KCNQ1: variants seen among roughly 807,000 people sequenced by gnomAD.
KCNQ1 encodes the protein potassium voltage-gated channel subfamily Q member 1, also known as potassium voltage-gated channel subfamily KQT member 1.
Under a neutral mutation model 72.4 loss-of-function variants are expected in KCNQ1, and 49 were observed. The ratio of observed to expected loss-of-function variants is 0.68; its 90% CI spans 0.54 to 0.86. The LOEUF (loss-of-function observed/expected upper bound fraction) is 0.86. Ranked by LOEUF, KCNQ1 falls within the 40% of genes least tolerant of loss-of-function variation. KCNQ1 has a pLI of 0.00. For synonymous variants in KCNQ1, 450 were observed against 412.6 expected, an observed-to-expected ratio of 1.09 and a Z score of -1.10; for missense variants, 790 against 945.1, an observed-to-expected ratio of 0.84 and a Z score of 2.15.
rs180966329 is a variant in KCNQ1 at position 2,645,025 on chromosome 11, G to A, written c.1394-16936G>A. Reference sequence around the variant, plus strand: ...AGCAAGTCCAGGGAAACCAATTTTGGGCCTCCAGGCAACTTGCTCAGGTGC... The same window carrying A: ...AGCAAGTCCAGGGAAACCAATTTTGAGCCTCCAGGCAACTTGCTCAGGTGC... On this transcript the variant is annotated intron_variant, in intron 10 of 15. Coordinates refer to ENST00000155840, the MANE Select transcript of KCNQ1 (RefSeq NM_000218.3). The surrounding 1 kb of genome is among the most constrained non-coding windows in gnomAD (Gnocchi z 5.8). 1.3e-5 allele frequency: 5 copies of A among 398,736 alleles called. No homozygotes were observed. The highest frequency in any genetic ancestry group is 7.1e-5 in the East Asian group (2 of 28,086). The allele number at this position is 398,736 out of a possible 1,614,324, so 24.7% of individuals were successfully genotyped here. A position where few individuals can be genotyped will look rare whatever the true frequency, so the allele number is the denominator to read the frequency against.
intron 2 of KCNQ1, among the ~76,000 whole-genome samples, chr11:2,551,510 C>T (rs1284499934): frequency 6.6e-6 from 1 of 152,248 alleles, no homozygotes; most frequent in Non-Finnish European, 1.5e-5. Context: ...GGCTGATGGA[C>T]ATTTGAGCTG....
intron 11 of KCNQ1, among the ~76,000 whole-genome samples, chr11:2,738,744 G>A (rs946671055): frequency 7.2e-5 from 11 of 152,220 alleles, no homozygotes; most frequent in Admixed American, 3.3e-4. Flanking sequence ...CCAGCAGAAC[G>A]TGGGCTGCAG....
rs1589944282 is a variant in KCNQ1, at chr11:2,549,110, A to C, written c.477+21092A>C. ...CACCCAAGGGAGAGTGGCTGGGTGGAGAGGGGGCAGGCTGAGATCTGAGAA... is the reference window on the plus strand; with the variant it reads ...CACCCAAGGGAGAGTGGCTGGGTGGCGAGGGGGCAGGCTGAGATCTGAGAA... On this transcript the variant is annotated intron_variant, in intron 2 of 15. Coordinates refer to ENST00000155840, the MANE Select transcript of KCNQ1 (RefSeq NM_000218.3). This position sits in a 1 kb window ranked among gnomAD's most constrained non-coding sequence, Gnocchi z 6.2. 6.6e-6 allele frequency among the ~76,000 whole-genome samples: 1 copy of C among 152,056 alleles called. No individual in the cohort carries two copies. Among genetic ancestry groups the C allele is most frequent in the South Asian group, 2.1e-4 (1 of 4,822 alleles).
chr11:2,714,881 T>C (rs1434606477), intron 11 of KCNQ1, among the ~76,000 whole-genome samples: 1 of 151,866 alleles, frequency 6.6e-6, no homozygotes, highest in East Asian at 1.9e-4. Flanking sequence ...GGACCTGACT[T>C]CTGGGTCCCT....
chr11:2,474,361 G>T (rs1589900757), intron 1 of KCNQ1, among the ~76,000 whole-genome samples: 1 of 152,294 alleles, frequency 6.6e-6, no homozygotes, highest in East Asian at 1.9e-4. Flanking sequence ...GCTCACGTGG[G>T]TCTCTTTGCC....
rs1250399542 is a variant in KCNQ1 at position 2,734,825 on chromosome 11, CTG to C, written c.1515-34016_1515-34015del. ...CCTCCTCCAGCCTCAGTTTCCCCCACTGTGAAATAGGGATGACCTCCTGTGCT... is the reference window on the plus strand; with the variant it reads ...CCTCCTCCAGCCTCAGTTTCCCCCACTGAAATAGGGATGACCTCCTGTGCT... On this transcript the variant is annotated intron_variant, in intron 11 of 15. Coordinates refer to ENST00000155840, the MANE Select transcript of KCNQ1 (RefSeq NM_000218.3). The surrounding 1 kb of genome is among the most constrained non-coding windows in gnomAD (Gnocchi z 7.0). 6.6e-6 allele frequency among the ~76,000 whole-genome samples: 1 copy of C among 152,060 alleles called. No homozygotes were observed.
chr11:2,628,494 T>G (rs778786210), intron 10 of KCNQ1: 29 of 398,338 alleles, frequency 7.3e-5, no homozygotes, highest in Non-Finnish European at 1.1e-4. Flanking sequence ...ATTGGGTTAT[T>G]AAGTTTTTTT....
intron 15 of KCNQ1, among the ~76,000 whole-genome samples, chr11:2,838,557 G>A (rs997220566): frequency 6.6e-6 from 1 of 152,158 alleles, no homozygotes; most frequent in Non-Finnish European, 1.5e-5. Context: ...GGACTTCCGG[G>A]GACAGCGAGG....
At chr11:2,596,259 A>G (rs1848731983) in intron 10 of KCNQ1, among the ~76,000 whole-genome samples, 1 of 152,236 alleles carries the variant, frequency 6.6e-6, no homozygotes, top group East Asian at 1.9e-4. Flanking sequence ...CGATGCAACC[A>G]TTTGGGAAAC....
Position 2,847,930 on chromosome 11 carries a change from TCCTGCCCAGCAACAC to T in KCNQ1, c.1967_1981del (p.Ser656_Pro660del), listed in dbSNP as rs1848368574. The T allele has an allele frequency of 6.3e-7, 1 of 1,575,470 alleles. No homozygotes were observed. The highest frequency in any genetic ancestry group is 8.6e-7 in the Non-Finnish European group (1 of 1,160,130). On this transcript the variant is annotated inframe_deletion, in exon 16 of 16. Transcript: ENST00000155840. ...GGCGGCTCCGTCGACCCTGAGCTCTTCCTGCCCAGCAACACCCTGCCCACCTACGAGCAGCTGACC... is the reference window on the plus strand; with the variant it reads ...GGCGGCTCCGTCGACCCTGAGCTCTTCCTGCCCACCTACGAGCAGCTGACC...
At chr11:2,452,331 GC>G (rs944187299) in intron 1 of KCNQ1, among the ~76,000 whole-genome samples, 4 of 152,122 alleles carry the variant, frequency 2.6e-5, no homozygotes, top group Admixed American at 6.5e-5. Flanking sequence ...ACTCCCTTCG[GC>G]CCTGGAATGC....
intron 1 of KCNQ1, among the ~76,000 whole-genome samples, chr11:2,449,811 A>C (rs2133566346): frequency 6.6e-6 from 1 of 152,190 alleles, no homozygotes; most frequent in Non-Finnish European, 1.5e-5. Context: ...GGCTGGTTTC[A>C]AGTCTGCTCC....
intron 2 of KCNQ1, among the ~76,000 whole-genome samples, chr11:2,531,885 C>G (rs552048207): frequency 5.9e-5 from 9 of 152,336 alleles, no homozygotes; most frequent in Non-Finnish European, 1.2e-4. Context: ...CCTGATCATT[C>G]CAGAAGCTCC....
rs916003469 is a variant in KCNQ1, at chr11:2,462,416, G to A, written c.386+16932G>A. On this transcript the variant is annotated intron_variant, in intron 1 of 15. Transcript: ENST00000155840. The surrounding 1 kb of genome is among the most constrained non-coding windows in gnomAD (Gnocchi z 8.2). ...GCTTGACACCTGCCTGGGGGCTCCC[G>A]GCGAAGGCCGCTGGTTTCTAGAATG... is the stretch of plus-strand genomic sequence containing the variant. 2.0e-5 allele frequency among the ~76,000 whole-genome samples: 3 copies of A among 152,306 alleles called. No individual in the cohort carries two copies. The highest frequency in any genetic ancestry group is 1.9e-4 in the East Asian group (1 of 5,154).
At chr11:2,832,832 G>T (rs1847980457) in intron 15 of KCNQ1, among the ~76,000 whole-genome samples, 1 of 152,112 alleles carries the variant, frequency 6.6e-6, no homozygotes, top group Non-Finnish European at 1.5e-5. Context: ...TGTAGGGTGT[G>T]GGGAAGGTGG....
chr11:2,512,006 G>A (rs1228287585), intron 1 of KCNQ1, among the ~76,000 whole-genome samples: 1 of 152,260 alleles, frequency 6.6e-6, no homozygotes, highest in Non-Finnish European at 1.5e-5. Context: ...GCTGGAGAAA[G>A]GAAATGGGGC....
chr11:2,653,521 G>A lies in KCNQ1; in HGVS notation c.1394-8440G>A. 2.5e-6 allele frequency: 1 copy of A among 398,680 alleles called. No individual in the cohort carries two copies. 24.7% of individuals were successfully genotyped at this position (398,680 alleles called of 1,614,324 possible). On this transcript the variant is annotated intron_variant, in intron 10 of 15. Coordinates refer to ENST00000155840, the MANE Select transcript of KCNQ1 (RefSeq NM_000218.3). This position sits in a 1 kb window ranked among gnomAD's most constrained non-coding sequence, Gnocchi z 5.3. Reference sequence around the variant, plus strand: ...AGAGCTGAGATGATCTTGCTCACTTGCTCTCACTCTCCCCTCTTGCACTCC... The same window carrying A: ...AGAGCTGAGATGATCTTGCTCACTTACTCTCACTCTCCCCTCTTGCACTCC...
intron 15 of KCNQ1, among the ~76,000 whole-genome samples, chr11:2,788,345 G>A (rs1291433336): frequency 2.0e-5 from 3 of 152,194 alleles, no homozygotes; most frequent in South Asian, 4.1e-4. Flanking sequence ...GTTCCCTGGC[G>A]TAGCTTCGCA....
rs190094645 is a variant in KCNQ1 at position 2,776,077 on chromosome 11, G to A, written c.1685+23G>A. ...GAGGTGGGCACGGCCAAACGGCAGCGGGGAGGGTGCCCAGGTCCTGCCCAG... is the reference window on the plus strand; with the variant it reads ...GAGGTGGGCACGGCCAAACGGCAGCAGGGAGGGTGCCCAGGTCCTGCCCAG... On this transcript the variant is annotated intron_variant, in intron 13 of 15. Coordinates refer to ENST00000155840, the MANE Select transcript of KCNQ1 (RefSeq NM_000218.3). 867 of 1,540,032 alleles carry A rather than the reference G, an allele frequency of 5.6e-4. 11 individuals are homozygous for A. In the East Asian group the frequency reaches 0.018, roughly 32 times the overall value.
Sources: gnomAD v4.1 joint callset for allele counts (sites outside exome capture counted in the v4.1 genomes callset) on GRCh38, gnomAD v4.1.1 for gene constraint, Gnocchi (gnomAD v3.1) non-coding constraint, MANE v1.5 for transcripts, NCBI Gene and HGNC (gene_info 2026-07-23, HGNC 2026-07-21) for gene names.